Variants in PIK3CA observed in about 807,000 individuals in gnomAD.
PIK3CA encodes the protein phosphatidylinositol 4,5-bisphosphate 3-kinase catalytic subunit alpha isoform.
Under a neutral mutation model 138.2 loss-of-function variants are expected in PIK3CA, and 27 were observed. The observed-to-expected ratio is 0.20, with a 90% CI of 0.14 to 0.27. The LOEUF is 0.27. PIK3CA is among the 10% of genes least tolerant of loss of function. The probability of loss-of-function intolerance (pLI) is 1.00; values close to 1 mark genes in which losing one functional copy is unlikely to be tolerated. For synonymous variants in PIK3CA, 358 were observed against 413.2 expected (o/e 0.87, Z 1.62); for missense variants, 544 against 1,277.4 (o/e 0.43, Z 8.75).
intron 20 of PIK3CA, among the ~76,000 whole-genome samples, chr3:179,233,567 AG>A (rs1401854063): frequency 7.2e-4 from 109 of 152,304 alleles, no homozygotes; most frequent in Non-Finnish European, 9.7e-4. Flanking sequence ...AGCTTTAAAT[AG>A]TTGGACTCCA....
At chr3:179,168,932 C>T (rs570551431) in intron 1 of PIK3CA, among the ~76,000 whole-genome samples, 2 of 151,240 alleles carry the variant, frequency 1.3e-5, no homozygotes, top group Non-Finnish European at 2.9e-5. Context: ...TTTTGTCTGG[C>T]TCTTTATGAG....
intron 14 of PIK3CA, among the ~76,000 whole-genome samples, chr3:179,223,648 C>T (rs553758032): frequency 5.4e-4 from 82 of 152,250 alleles, no homozygotes; most frequent in Non-Finnish European, 9.1e-4. Context: ...CTTAAAGGGC[C>T]AGATAGTAAC....
rs1410137253 is a variant in PIK3CA, at chr3:179,190,994, C to T, written c.-76-7756C>T. Among the ~76,000 whole-genome samples the T allele has an allele frequency of 2.6e-5, 4 of 152,120 alleles. No homozygotes were observed. The East Asian group carries it at 7.7e-4, about 29-fold the overall frequency. On this transcript the variant is annotated intron_variant, in intron 1 of 20. Coordinates refer to ENST00000263967, the MANE Select transcript of PIK3CA (RefSeq NM_006218.4). ...AGAATAGGTGAAAAGTCTGTATGGG[C>T]CTGGTGTCTTGGGTGTGCGGACCTC...
chr3:179,191,930 G>T (rs554664009), intron 1 of PIK3CA, among the ~76,000 whole-genome samples: 8 of 152,152 alleles, frequency 5.3e-5, no homozygotes, highest in Non-Finnish European at 1.0e-4. Context: ...GAGCCACCAC[G>T]CCTGGCCTAA....
intron 1 of PIK3CA, among the ~76,000 whole-genome samples, chr3:179,182,075 G>T (rs1723860135): frequency 6.6e-6 from 1 of 151,956 alleles, no homozygotes; most frequent in Admixed American, 6.6e-5. Flanking sequence ...TTACTCCCTA[G>T]TGACGGCTTA....
Position 179,235,304 on chromosome 3 carries a change from A to T in PIK3CA, c.*940A>T, listed in dbSNP as rs1725312554. 1 of 178,382 alleles carries T rather than the reference A, an allele frequency of 5.6e-6. No individual in the cohort carries two copies. The highest frequency in any genetic ancestry group is 2.4e-5 in the African/African-American group (1 of 42,272). 11.0% of individuals were successfully genotyped at this position (178,382 alleles called of 1,614,324 possible). A position where few individuals can be genotyped will look rare whatever the true frequency, so the allele number is the denominator to read the frequency against. Reference sequence around the variant, plus strand: ...ATTAAAAAGATTATTTTTTTTATTAAAGGCTATTTATATTATAGAAACTAT... The same window carrying T: ...ATTAAAAAGATTATTTTTTTTATTATAGGCTATTTATATTATAGAAACTAT... On this transcript the variant is annotated 3_prime_UTR_variant, in exon 21 of 21. Transcript: ENST00000263967.
chr3:179,224,880 G>C (rs2108418437), intron 16 of PIK3CA, 59 bp downstream of exon 16: 1 of 1,231,108 alleles, frequency 8.1e-7, no homozygotes, highest in Non-Finnish European at 1.2e-6. Flanking sequence ...TTTATACACA[G>C]GATATTTATG....
At chr3:179,225,241 T>C (rs1725055865) in intron 16 of PIK3CA, among the ~76,000 whole-genome samples, 1 of 151,956 alleles carries the variant, frequency 6.6e-6, no homozygotes, top group Non-Finnish European at 1.5e-5. Flanking sequence ...GAAAACAGAA[T>C]CCCTGCCCTC....
chr3:179,182,887 A>G (rs962819633), intron 1 of PIK3CA, among the ~76,000 whole-genome samples: 1 of 152,200 alleles, frequency 6.6e-6, no homozygotes, highest in South Asian at 2.1e-4. Flanking sequence ...CTCTCCCACC[A>G]TTGAAGTATT....
chr3:179,191,083 C>T lies in PIK3CA; in HGVS notation c.-76-7667C>T, dbSNP rs117589476. On this transcript the variant is annotated intron_variant, in intron 1 of 20. Transcript: ENST00000263967. ...AGAGATGGGGTTCACAATTCCATTC[C>T]TTCTGGAGGAACTTCCGTCTTGATA... Among the ~76,000 whole-genome samples the T allele has an allele frequency of 1.1e-4, 16 of 152,288 alleles. No individual in the cohort carries two copies. The East Asian group carries it at 3.1e-3, about 29-fold the overall frequency.
chr3:179,190,776 C>G (rs142872579), intron 1 of PIK3CA, among the ~76,000 whole-genome samples: 1 of 152,042 alleles, frequency 6.6e-6, no homozygotes, highest in Non-Finnish European at 1.5e-5. Flanking sequence ...GTAAATGTAT[C>G]GTATGCATAT....
intron 1 of PIK3CA, among the ~76,000 whole-genome samples, chr3:179,173,985 C>T (rs1171582127): frequency 6.6e-6 from 1 of 151,982 alleles, no homozygotes; most frequent in Admixed American, 6.5e-5. Flanking sequence ...GCCTCGGCCT[C>T]CCGAAGTGCT....
At chr3:179,173,404 CAAAAAAAAAAAAA>C (rs749831764) in intron 1 of PIK3CA, among the ~76,000 whole-genome samples, 5 of 43,110 alleles carry the variant, frequency 1.2e-4, no homozygotes, top group Non-Finnish European at 2.3e-4. Flanking sequence ...GCTAAAAATA[CAAAAAAAAAAAAA>C]AAAAAAAAAA....
rs751310116 is a variant in PIK3CA at position 179,224,685 on chromosome 3, T to C, written c.2295-15T>C. ...AAAGCAAAGGTACCTAGTAAAGTTT[T>C]TAACTATTTTAAAGGCTTGAAGAGT... is the stretch of plus-strand genomic sequence containing the variant. On this transcript the variant is annotated splice_polypyrimidine_tract_variant and intron_variant, in intron 15 of 20. Coordinates refer to ENST00000263967, the MANE Select transcript of PIK3CA (RefSeq NM_006218.4). 1.3e-6 allele frequency: 2 copies of C among 1,548,448 alleles called. No homozygotes were observed. Among genetic ancestry groups the C allele is most frequent in the Admixed American group, 3.6e-5 (2 of 55,598 alleles).
intron 1 of PIK3CA, chr3:179,168,992 A>G (rs539787923): frequency 6.6e-6 from 1 of 151,548 alleles, no homozygotes; most frequent in East Asian, 1.9e-4. Flanking sequence ...TTTTTTCTAG[A>G]GAAGAGAAGG....
At chr3:179,204,809 C>G (rs540948201) in intron 6 of PIK3CA, among the ~76,000 whole-genome samples, 1 of 151,048 alleles carries the variant, frequency 6.6e-6, no homozygotes, top group Non-Finnish European at 1.5e-5. Flanking sequence ...ATCACGAAGT[C>G]GGAGTTTGAG....
intron 1 of PIK3CA, among the ~76,000 whole-genome samples, chr3:179,160,952 A>ATAGT (rs10664393): frequency 0.25 from 38,001 of 151,946 alleles, 5,721 homozygotes; most frequent in African/African-American, 0.42. Flanking sequence ...TCAATGTTAC[A>ATAGT]TAGTAGGCAA....
In PIK3CA at chr3:179,198,901, C is replaced by T. The variant is rs2108385250; in HGVS notation, c.76C>T (p.Leu26=). 6.2e-7 allele frequency: 1 copy of T among 1,609,354 alleles called. No individual in the cohort carries two copies. The highest frequency in any genetic ancestry group is 8.5e-7 in the Non-Finnish European group (1 of 1,178,218). Reference sequence around the variant, plus strand: ...CCCAAGAATCCTAGTAGAATGTTTACTACCAAATGGAATGATAGTGACTTT... The same window carrying T: ...CCCAAGAATCCTAGTAGAATGTTTATTACCAAATGGAATGATAGTGACTTT... The part of the protein sequence containing the change: ...MPPRILVECL[L]PNGMIVTLEC... Residue 26 remains leucine (L), a synonymous_variant, in exon 2 of 21, where the codon CTA becomes TTA. Transcript: ENST00000263967.
intron 1 of PIK3CA, among the ~76,000 whole-genome samples, chr3:179,193,143 T>C (rs905898844): frequency 1.3e-5 from 2 of 152,216 alleles, no homozygotes; most frequent in African/African-American, 4.8e-5. Flanking sequence ...TTAACACAGG[T>C]TCAGGCCTTC....
Sources: gnomAD v4.1 joint callset for allele counts (sites outside exome capture counted in the v4.1 genomes callset) on GRCh38, gnomAD v4.1.1 for gene constraint, MANE v1.5 for transcripts, NCBI Gene and HGNC (gene_info 2026-07-23, HGNC 2026-07-21) for gene names.